The following PDGFRL variants were observed in gnomAD, a reference collection of about 807,000 sequenced individuals.
The protein encoded by PDGFRL is platelet-derived growth factor receptor-like protein.
In PDGFRL, 46 loss-of-function variants were observed where a neutral mutation model predicts 37.2. The observed-to-expected ratio is 1.24, with a 90% confidence interval of 0.98 to 1.58. The LOEUF (loss-of-function observed/expected upper bound fraction) is 1.58. Among genes scored for constraint, PDGFRL ranks in the 40% most tolerant of loss-of-function variants. The pLI, the probability that PDGFRL is intolerant of heterozygous loss-of-function variation, is 0.00. For missense variants in PDGFRL, 692 were observed against 467.6 expected (o/e 1.48, Z -4.43); for synonymous variants, 251 against 184.3 (o/e 1.36, Z -2.93).
intron 1 of PDGFRL, among the ~76,000 whole-genome samples, chr8:17,587,197 A>T (rs182671094): frequency 5.3e-5 from 8 of 152,310 alleles, no homozygotes; most frequent in Non-Finnish European, 1.5e-5. Context: ...CCAGCTATAC[A>T]GTTAGATCAG....
At chr8:17,578,445 G>T (rs1308185263) in intron 1 of PDGFRL, among the ~76,000 whole-genome samples, 1 of 152,186 alleles carries the variant, frequency 6.6e-6, no homozygotes, top group East Asian at 1.9e-4. Context: ...CTAGAGCTTT[G>T]CTTAATAAAA....
chr8:17,596,810 T>C (rs750377030), intron 2 of PDGFRL, among the ~76,000 whole-genome samples: 70 of 152,342 alleles, frequency 4.6e-4, no homozygotes, highest in Non-Finnish European at 8.7e-4. Flanking sequence ...ACAGATGTGC[T>C]ATTTGCCCTC....
intron 2 of PDGFRL, among the ~76,000 whole-genome samples, chr8:17,592,235 TG>T (rs1204664952): frequency 1.3e-5 from 2 of 152,252 alleles, no homozygotes; most frequent in Non-Finnish European, 2.9e-5. Flanking sequence ...CCATTGCTTT[TG>T]CGCCAACCTA....
chr8:17,606,897 T>TTG (rs1563516104), intron 2 of PDGFRL, among the ~76,000 whole-genome samples: 1 of 8,420 alleles, frequency 1.2e-4, no homozygotes, highest in African/African-American at 2.4e-4. Flanking sequence ...TTTTTTTGTT[T>TTG]TTTTTTTTTT....
At chr8:17,586,341 G>A (rs1004941428) in intron 1 of PDGFRL, among the ~76,000 whole-genome samples, 6 of 152,142 alleles carry the variant, frequency 3.9e-5, no homozygotes, top group Non-Finnish European at 5.9e-5. Flanking sequence ...AGGAAGAGGA[G>A]GCTGTCATCC....
chr8:17,582,277 T>C (rs1194854434), intron 1 of PDGFRL, among the ~76,000 whole-genome samples: 1 of 151,964 alleles, frequency 6.6e-6, no homozygotes, highest in African/African-American at 2.4e-5. Flanking sequence ...CAAGTAGTGG[T>C]GGGTGTGGCT....
intron 2 of PDGFRL, among the ~76,000 whole-genome samples, chr8:17,599,563 G>A (rs1204968965): frequency 6.6e-6 from 1 of 152,004 alleles, no homozygotes; most frequent in African/African-American, 2.4e-5. Context: ...ACTTTCTCTT[G>A]TCTGCACATG....
chr8:17,615,673 G>C (rs772504045), intron 2 of PDGFRL, among the ~76,000 whole-genome samples: 6 of 152,124 alleles, frequency 3.9e-5, no homozygotes, highest in African/African-American at 9.7e-5. Context: ...CCCAGCACTT[G>C]GGGAGGCTGT....
intron 5 of PDGFRL, among the ~76,000 whole-genome samples, chr8:17,639,226 A>G (rs1674389332): frequency 6.6e-6 from 1 of 152,140 alleles, no homozygotes; most frequent in South Asian, 2.1e-4. Flanking sequence ...GCCATTCTGA[A>G]TCTTTTAAAT....
chr8:17,625,800 GC>G (rs1474573123), intron 3 of PDGFRL, among the ~76,000 whole-genome samples: 2 of 152,126 alleles, frequency 1.3e-5, no homozygotes, highest in Non-Finnish European at 2.9e-5. Flanking sequence ...ACCAGCCTGG[GC>G]AACATAGTGA....
intron 2 of PDGFRL, among the ~76,000 whole-genome samples, chr8:17,613,371 T>C (rs115170115): frequency 0.015 from 2,326 of 152,236 alleles, 63 homozygotes; most frequent in African/African-American, 0.052. Context: ...CTGGATATGC[T>C]GGACAGAGGG....
intron 1 of PDGFRL, among the ~76,000 whole-genome samples, chr8:17,588,701 C>G (rs1563505842): frequency 6.6e-6 from 1 of 152,080 alleles, no homozygotes; most frequent in African/African-American, 2.4e-5. Flanking sequence ...ATTTTGCGTG[C>G]ACTTTCAGCA....
At chr8:17,602,549 C>T (rs1387990557) in intron 2 of PDGFRL, among the ~76,000 whole-genome samples, 1 of 151,962 alleles carries the variant, frequency 6.6e-6, no homozygotes, top group Non-Finnish European at 1.5e-5. Context: ...AAATGAAAAG[C>T]AGATACCCAG....
chr8:17,641,507 T>A (rs1035171828), intron 5 of PDGFRL, among the ~76,000 whole-genome samples: 1 of 152,188 alleles, frequency 6.6e-6, no homozygotes, highest in Non-Finnish European at 1.5e-5. Context: ...GGCTAGAGTG[T>A]TCTCTATACA....
rs1748066460 is a variant in PDGFRL, at chr8:17,609,255, C to T, written c.354-11796C>T. 2.0e-5 allele frequency among the ~76,000 whole-genome samples: 3 copies of T among 151,668 alleles called. No homozygotes were observed. In the South Asian group the frequency reaches 6.3e-4, roughly 32 times the overall value. ...GGCACAGTGGCTCATTCCTGTAATG[C>T]CACCACTTTGGGTGGCTGAGGCTGG... On this transcript the variant is annotated intron_variant, in intron 2 of 5. Transcript: ENST00000251630.
intron 1 of PDGFRL, among the ~76,000 whole-genome samples, chr8:17,587,826 C>G (rs539699407): frequency 6.6e-6 from 1 of 152,020 alleles, no homozygotes; most frequent in Non-Finnish European, 1.5e-5. Flanking sequence ...GATGGGGTTT[C>G]GCCATGTTGC....
At chr8:17,600,602 C>G (rs1035440500) in intron 2 of PDGFRL, among the ~76,000 whole-genome samples, 1 of 151,298 alleles carries the variant, frequency 6.6e-6, no homozygotes, top group Non-Finnish European at 1.5e-5. Context: ...GACTTTGAGA[C>G]CAGCCTGAGC....
intron 2 of PDGFRL, among the ~76,000 whole-genome samples, chr8:17,611,554 A>AG (rs1804412298): frequency 6.6e-6 from 1 of 152,104 alleles, no homozygotes; most frequent in South Asian, 2.1e-4. Flanking sequence ...AGCGCTTCAG[A>AG]GGGAAAGAGA....
At chr8:17,580,131 G>A (rs1030658703) in intron 1 of PDGFRL, among the ~76,000 whole-genome samples, 1 of 152,154 alleles carries the variant, frequency 6.6e-6, no homozygotes, top group African/African-American at 2.4e-5. Context: ...CTTGATCCAT[G>A]CTAATCTGGT....
Sources: gnomAD v4.1 joint callset for allele counts (sites outside exome capture counted in the v4.1 genomes callset) on GRCh38, gnomAD v4.1.1 for gene constraint, MANE v1.5 for transcripts, NCBI Gene and HGNC (gene_info 2026-07-23, HGNC 2026-07-21) for gene names.